The following DLGAP2 variants were observed in gnomAD, a reference collection of about 807,000 sequenced individuals.
DLGAP2 encodes disks large-associated protein 2.
In DLGAP2, 26 loss-of-function variants were observed where a neutral mutation model predicts 100.3. That is an observed-to-expected ratio of 0.26 (90% CI 0.19 to 0.36). DLGAP2 has a LOEUF of 0.36. Among genes scored for constraint, DLGAP2 ranks in the 10% least tolerant of loss-of-function variants. DLGAP2 has a pLI of 1.00. For synonymous variants in DLGAP2, 886 were observed against 630.1 expected, an observed-to-expected ratio of 1.41 and a Z score of -6.08; for missense variants, 1,858 against 1,453.2, an observed-to-expected ratio of 1.28 and a Z score of -4.53.
At chr8:893,237 G>A (rs1259651584) in intron 1 of DLGAP2, 2 of 152,176 alleles carry the variant, frequency 1.3e-5, no homozygotes, top group African/African-American at 4.8e-5. Flanking sequence ...TCATGGGAGA[G>A]TCCTGCCCTC....
intron 1 of DLGAP2, among the ~76,000 whole-genome samples, chr8:906,714 G>T (rs963797328): frequency 2.0e-5 from 3 of 152,290 alleles, no homozygotes; most frequent in African/African-American, 7.2e-5. Flanking sequence ...TCCCTGCCCC[G>T]ACTGTCTCAC....
chr8:1,233,021 C>G (rs1309489974), intron 2 of DLGAP2, among the ~76,000 whole-genome samples: 1 of 152,180 alleles, frequency 6.6e-6, no homozygotes. Flanking sequence ...AGGAATAGAA[C>G]CATCTGGCAT....
chr8:1,146,696 GA>G (rs1322686600), intron 2 of DLGAP2, among the ~76,000 whole-genome samples: 7 of 152,112 alleles, frequency 4.6e-5, no homozygotes, highest in African/African-American at 9.6e-5. Flanking sequence ...TGTGTAGGGA[GA>G]GGGGGGGCTA....
At chr8:1,437,916 A>T (rs1172773140) in intron 3 of DLGAP2, among the ~76,000 whole-genome samples, 2 of 151,584 alleles carry the variant, frequency 1.3e-5, no homozygotes, top group East Asian at 1.9e-4. Context: ...AACCCTGGAG[A>T]TGGAGGTTGC....
intron 2 of DLGAP2, among the ~76,000 whole-genome samples, chr8:931,530 G>T (rs984322535): frequency 6.6e-6 from 1 of 152,154 alleles, no homozygotes; most frequent in African/African-American, 2.4e-5. Context: ...TTATTTTTAG[G>T]CACTGCCACT....
chr8:1,126,144 C>T (rs1328895344), intron 2 of DLGAP2, among the ~76,000 whole-genome samples: 1 of 152,208 alleles, frequency 6.6e-6, no homozygotes, highest in Admixed American at 6.5e-5. Context: ...GCAGTGGTGC[C>T]GTGGATTCTG....
intron 2 of DLGAP2, among the ~76,000 whole-genome samples, chr8:1,183,473 A>G (rs1797434083): frequency 6.6e-6 from 1 of 152,178 alleles, no homozygotes; most frequent in Non-Finnish European, 1.5e-5. Context: ...AGTCATTGCA[A>G]ATGTTTACTT....
chr8:1,370,978 T>A (rs1371894614), intron 3 of DLGAP2, among the ~76,000 whole-genome samples: 3 of 152,282 alleles, frequency 2.0e-5, no homozygotes, highest in African/African-American at 7.2e-5. Context: ...AACAGCGCTT[T>A]ACACCATGGA....
intron 2 of DLGAP2, among the ~76,000 whole-genome samples, chr8:1,176,998 A>G (rs1447073627): frequency 6.6e-6 from 1 of 152,212 alleles, no homozygotes; most frequent in African/African-American, 2.4e-5. Context: ...GGCTCTGGAA[A>G]CTGGGAAAAG....
intron 2 of DLGAP2, among the ~76,000 whole-genome samples, chr8:1,117,580 GA>G (rs1805157974): frequency 6.6e-6 from 1 of 152,208 alleles, no homozygotes; most frequent in Admixed American, 6.5e-5. Context: ...CTCATGGTGG[GA>G]AGATGCTTAG....
chr8:985,130 G>T (rs545632655), intron 2 of DLGAP2, among the ~76,000 whole-genome samples: 4 of 152,276 alleles, frequency 2.6e-5, no homozygotes, highest in African/African-American at 7.2e-5. Flanking sequence ...AGATCTTCGG[G>T]TATTTCCAAG....
At chr8:1,276,060 AAAAT>A (rs1419912445) in intron 3 of DLGAP2, among the ~76,000 whole-genome samples, 16 of 140,922 alleles carry the variant, frequency 1.1e-4, no homozygotes, top group African/African-American at 3.4e-4. Context: ...ATAATATATA[AAAAT>A]AAATATATAA....
intron 2 of DLGAP2, among the ~76,000 whole-genome samples, chr8:1,156,857 G>C (rs1165539067): frequency 6.6e-6 from 1 of 152,164 alleles, no homozygotes; most frequent in Non-Finnish European, 1.5e-5. Context: ...TGGTAGAAAG[G>C]TTCTGATTTC....
chr8:901,868 G>A (rs1798258509), intron 1 of DLGAP2, among the ~76,000 whole-genome samples: 1 of 152,248 alleles, frequency 6.6e-6, no homozygotes, highest in Admixed American at 6.5e-5. Context: ...CCCGTTTGCA[G>A]GCTGGGCATG....
chr8:1,381,823 GTT>G (rs1491369327), intron 3 of DLGAP2, among the ~76,000 whole-genome samples: 18 of 140,272 alleles, frequency 1.3e-4, no homozygotes, highest in Non-Finnish European at 1.8e-4. Flanking sequence ...GTGTGTGTGT[GTT>G]TGTATCACAT....
rs1171711823 is a variant in DLGAP2, at chr8:1,287,486, G to A, written c.106+28603G>A. Among the ~76,000 whole-genome samples the A allele has an allele frequency of 2.3e-4, 12 of 53,040 alleles. 1 individual carries two copies. The highest frequency in any genetic ancestry group is 3.6e-4 in the Non-Finnish European group (11 of 30,216). 34.8% of individuals were successfully genotyped at this position (53,040 alleles called of 152,430 possible). ...TTCGGTTCAGCGTGTGTGTGTGTGT[G>A]TGTGTGTGTGGTTCTGTTAGGAGGG... On this transcript the variant is annotated intron_variant, in intron 3 of 14. Transcript: ENST00000637795.
chr8:1,179,817 A>G (rs1473610051), intron 2 of DLGAP2, among the ~76,000 whole-genome samples: 1 of 152,234 alleles, frequency 6.6e-6, no homozygotes, highest in Non-Finnish European at 1.5e-5. Flanking sequence ...ATACCCTTAC[A>G]TTTATACCCA....
In DLGAP2 at chr8:1,572,494, G is replaced by C. The variant is rs1348568655; in HGVS notation, c.1442+6600G>C. ...GATGGAGAGGAGAGAAGGGTGAACT[G>C]TGGGGGCATCTTCTGGGATGGAGAG... On this transcript the variant is annotated intron_variant, in intron 6 of 14. Coordinates refer to ENST00000637795, the MANE Select transcript of DLGAP2 (RefSeq NM_001346810.2). Among the ~76,000 whole-genome samples, 3 of 136,728 alleles carry C rather than the reference G, an allele frequency of 2.2e-5. No individual in the cohort carries two copies. In the East Asian group the frequency reaches 7.3e-4, roughly 33 times the overall value. 89.7% of individuals were successfully genotyped at this position (136,728 alleles called of 152,430 possible).
In DLGAP2 at chr8:1,633,040, A is replaced by G. The variant is rs1797688287; in HGVS notation, c.1804A>G (p.Thr602Ala). The change falls in exon 8 of 15, where the codon ACA (threonine) becomes GCA (alanine). Residue 602 changes from threonine to alanine, a missense_variant. Physicochemically the swap from Thr to Ala is moderately conservative, Grantham distance 58. Transcript: ENST00000637795. Reference sequence around the variant, plus strand: ...TGACATCACCTCCACCATCAGGTCAACAGCAGGTAAGGGGACGCCATTTTC... The same window carrying G: ...TGACATCACCTCCACCATCAGGTCAGCAGCAGGTAAGGGGACGCCATTTTC... Reference protein sequence around the residue: ...PSDITSTIRSTAAVSYTNYKK... With the variant: ...PSDITSTIRSAAAVSYTNYKK... 1.2e-6 allele frequency: 2 copies of G among 1,613,842 alleles called. No homozygotes were observed. Among genetic ancestry groups the G allele is most frequent in the African/African-American group, 1.3e-5 (1 of 74,918 alleles).
Sources: allele counts gnomAD v4.1 joint callset (sites outside exome capture counted in the v4.1 genomes callset), GRCh38; gene constraint gnomAD v4.1.1; transcripts MANE v1.5; gene names NCBI Gene and HGNC (gene_info 2026-07-23, HGNC 2026-07-21).